The following AOAH variants were observed in gnomAD, a reference collection of about 807,000 sequenced individuals.
AOAH encodes acyloxyacyl hydrolase (neutrophil).
A neutral mutation model predicts 92.2 loss-of-function variants in AOAH; 64 were observed. That is an observed-to-expected ratio of 0.69 (90% confidence interval 0.57 to 0.86). The LOEUF is 0.86. Ranked by LOEUF, AOAH falls within the 40% of genes least tolerant of loss-of-function variation. AOAH has a pLI of 0.00. For synonymous variants in AOAH, 263 were observed against 254.5 expected, an observed-to-expected ratio of 1.03 and a Z score of -0.32; for missense variants, 656 against 694.6, an observed-to-expected ratio of 0.94 and a Z score of 0.62.
chr7:36,650,745 C>A (rs566618139), intron 4 of AOAH, among the ~76,000 whole-genome samples: 1 of 152,296 alleles, frequency 6.6e-6, no homozygotes, highest in African/African-American at 2.4e-5. Flanking sequence ...TCAGGACTGC[C>A]GTTCTCATCC....
At chr7:36,650,224 A>G (rs1794493354) in intron 4 of AOAH, among the ~76,000 whole-genome samples, 2 of 152,186 alleles carry the variant, frequency 1.3e-5, no homozygotes, top group Non-Finnish European at 2.9e-5. Context: ...CTGTTTTGAG[A>G]AAATCCGTAG....
intron 9 of AOAH, among the ~76,000 whole-genome samples, chr7:36,618,838 T>G (rs182331306): frequency 6.6e-6 from 1 of 152,328 alleles, no homozygotes; most frequent in African/African-American, 2.4e-5. Flanking sequence ...GGGGAGCTAC[T>G]GGCATCTAGT....
In AOAH at chr7:36,519,282, T is replaced by C. The variant is rs112694305; in HGVS notation, c.1599+2757A>G. Among the ~76,000 whole-genome samples, 759 of 152,354 alleles carry C rather than the reference T, an allele frequency of 5.0e-3. 9 individuals are homozygous for C. Among genetic ancestry groups the C allele is most frequent in the African/African-American group, 0.016 (672 of 41,600 alleles). On this transcript the variant is annotated intron_variant, in intron 20 of 20. Coordinates refer to ENST00000617537, the MANE Select transcript of AOAH (RefSeq NM_001637.4). The stretch of plus-strand genomic sequence containing the variant: ...CATACTCTCTGGCCACACTGAGCGC[T>C]TTTATTTCCTCCAACATGCCACGCT...
intron 1 of AOAH, among the ~76,000 whole-genome samples, chr7:36,714,112 C>G (rs1045503601): frequency 1.3e-5 from 2 of 152,038 alleles, no homozygotes; most frequent in African/African-American, 4.8e-5. Flanking sequence ...AGAGAAGAAT[C>G]TAATAGATGC....
chr7:36,649,073 A>G (rs111559212), intron 4 of AOAH, among the ~76,000 whole-genome samples: 202 of 152,342 alleles, frequency 1.3e-3, no homozygotes, highest in African/African-American at 4.8e-3. Flanking sequence ...ATTTCAAATC[A>G]GTTGTCGTTG....
intron 1 of AOAH, among the ~76,000 whole-genome samples, chr7:36,691,705 C>T (rs1018400426): frequency 6.6e-6 from 1 of 152,178 alleles, no homozygotes; most frequent in Non-Finnish European, 1.5e-5. Context: ...ATATTGGAAA[C>T]AGCCACATAG....
chr7:36,620,382 C>G (rs1792192666), intron 9 of AOAH, among the ~76,000 whole-genome samples: 1 of 151,922 alleles, frequency 6.6e-6, no homozygotes, highest in African/African-American at 2.4e-5. Context: ...AATTTCTGCT[C>G]TGCCCGGCTA....
intron 11 of AOAH, among the ~76,000 whole-genome samples, chr7:36,609,540 C>A (rs1791272737): frequency 6.6e-6 from 1 of 152,118 alleles, no homozygotes; most frequent in Non-Finnish European, 1.5e-5. Flanking sequence ...AGGCTGGACC[C>A]TCTTGCTTTC....
intron 3 of AOAH, among the ~76,000 whole-genome samples, chr7:36,667,460 T>A (rs1042434279): frequency 1.3e-5 from 2 of 152,242 alleles, no homozygotes; most frequent in African/African-American, 4.8e-5. Flanking sequence ...GCCTAATTTA[T>A]AAATTAAACT....
At position 36,602,478 on chromosome 7, in the gene AOAH, CT is replaced by C. The variant is rs541276805; in HGVS notation, c.847-8049del. ...TTTTTCATCCCCTAGGGTGATTGAA[CT>C]TTTTTTTAGATACATAAAAGCAAGA... On this transcript the variant is annotated intron_variant, in intron 11 of 20. Transcript: ENST00000617537. Among the ~76,000 whole-genome samples, 491 of 146,456 alleles carry C rather than the reference CT, an allele frequency of 3.4e-3. 2 individuals carry two copies. Among genetic ancestry groups the C allele is most frequent in the Non-Finnish European group, 5.1e-3 (343 of 66,840 alleles).
chr7:36,625,907 T>A (rs188298879), intron 6 of AOAH, among the ~76,000 whole-genome samples: 15 of 152,338 alleles, frequency 9.8e-5, no homozygotes, highest in African/African-American at 3.4e-4. Context: ...CCATCCCTTG[T>A]CTACTCTGAA....
chr7:36,616,295 G>A (rs775970127), intron 11 of AOAH, 85 bp downstream of exon 11: 1 of 1,053,346 alleles, frequency 9.5e-7, no homozygotes, highest in Admixed American at 2.0e-5. Flanking sequence ...CACCTGTGTG[G>A]AGTTGGCATC....
chr7:36,618,481 A>G (rs1176610511), intron 9 of AOAH, 136 bp from the exon 10 acceptor site: 38 of 752,068 alleles, frequency 5.1e-5, no homozygotes, highest in Non-Finnish European at 7.4e-5. Context: ...TTAAGCCCCT[A>G]ATTCAACATA....
chr7:36,571,610 T>G (rs985254179), intron 13 of AOAH, among the ~76,000 whole-genome samples: 1 of 152,204 alleles, frequency 6.6e-6, no homozygotes, highest in African/African-American at 2.4e-5. Flanking sequence ...TGCTCACTTA[T>G]GTCAATCTTA....
At chr7:36,678,601 G>GCA (rs61185206) in intron 2 of AOAH, among the ~76,000 whole-genome samples, 2 of 101,678 alleles carry the variant, frequency 2.0e-5, no homozygotes. Context: ...GTGTGTGTGT[G>GCA]CGCGCGCGCG....
intron 3 of AOAH, chr7:36,661,176 G>A (rs11971845): frequency 0.6 from 91,592 of 152,102 alleles, 27,841 homozygotes; most frequent in South Asian, 0.65. Flanking sequence ...TTTATATGCC[G>A]TAGCTCCCAG....
chr7:36,554,912 C>T (rs993609770), intron 13 of AOAH, among the ~76,000 whole-genome samples: 3 of 146,304 alleles, frequency 2.1e-5, no homozygotes, highest in Middle Eastern at 3.5e-3. Flanking sequence ...TCTAGATATA[C>T]AATCATGTCG....
rs919548738 is a variant in AOAH at position 36,644,331 on chromosome 7, C to CT, written c.391-6422dup. 4.2e-4 allele frequency among the ~76,000 whole-genome samples: 62 copies of CT among 146,858 alleles called. 1 individual carries two copies. The highest frequency in any genetic ancestry group is 7.5e-4 in the Admixed American group (11 of 14,662). On this transcript the variant is annotated intron_variant, in intron 4 of 20. Coordinates refer to ENST00000617537, the MANE Select transcript of AOAH (RefSeq NM_001637.4). Reference sequence around the variant, plus strand: ...TGGGAGATAGATGTTAAACGGTGTGCTTTTTTTTTTTAAGTTTAAAAAAGT... The same window carrying CT: ...TGGGAGATAGATGTTAAACGGTGTGCTTTTTTTTTTTTAAGTTTAAAAAAGT...
chr7:36,557,519 T>G (rs1209165000), intron 13 of AOAH, among the ~76,000 whole-genome samples: 1 of 152,306 alleles, frequency 6.6e-6, no homozygotes, highest in Admixed American at 6.5e-5. Context: ...TTCCTGAATC[T>G]GAATGTTGGC....
Sources: gnomAD v4.1 joint callset for allele counts (sites outside exome capture counted in the v4.1 genomes callset) on GRCh38, gnomAD v4.1.1 for gene constraint, MANE v1.5 for transcripts, NCBI Gene and HGNC (gene_info 2026-07-23, HGNC 2026-07-21) for gene names.